The following NIPSNAP1 variants were observed in gnomAD, a reference collection of about 807,000 sequenced individuals.
The protein encoded by NIPSNAP1 is nipsnap homolog 1.
NIPSNAP1 carries 25 observed loss-of-function variants against 49.2 expected under a neutral mutation model. The observed-to-expected ratio is 0.51, with a 90% CI of 0.37 to 0.71. The LOEUF (loss-of-function observed/expected upper bound fraction) is 0.71. Ranked by LOEUF, NIPSNAP1 falls within the 30% of genes least tolerant of loss-of-function variation. The probability of loss-of-function intolerance (pLI) is 0.00; values close to 1 mark genes in which losing one functional copy is unlikely to be tolerated. For missense variants in NIPSNAP1, 294 were observed against 361.0 expected (o/e 0.81, Z 1.50); for synonymous variants, 143 against 140.7 (o/e 1.02, Z -0.12).
In NIPSNAP1 at chr22:29,555,354, C is replaced by G. The variant is rs1382522492; in HGVS notation, c.*581G>C. 1 of 153,778 alleles carries G rather than the reference C, an allele frequency of 6.5e-6. No individual in the cohort carries two copies. The highest frequency in any genetic ancestry group is 1.9e-4 in the East Asian group (1 of 5,384). The allele number at this position is 153,778 out of a possible 1,614,324, so 9.5% of individuals were successfully genotyped here. ...TCTTTCCTGGCTCCCATCCCTTTCCCCAGCCCCTCTGGGCAGAATGTCTGA... is the reference window on the plus strand; with the variant it reads ...TCTTTCCTGGCTCCCATCCCTTTCCGCAGCCCCTCTGGGCAGAATGTCTGA... On this transcript the variant is annotated 3_prime_UTR_variant, in exon 10 of 10. Transcript: ENST00000216121.
intron 2 of NIPSNAP1, 39 bp from the exon 3 acceptor site, chr22:29,570,246 G>A: frequency 5.6e-6 from 9 of 1,610,652 alleles, no homozygotes; most frequent in African/African-American, 1.3e-5. Context: ...GAGGTAGGGT[G>A]TGTACACAGG....
intron 1 of NIPSNAP1, among the ~76,000 whole-genome samples, chr22:29,579,289 CTTTTTTTTTT>C (rs34084606): frequency 1.7e-5 from 1 of 57,374 alleles, no homozygotes; most frequent in African/African-American, 8.8e-5. Context: ...AATTTTTGTA[CTTTTTTTTTT>C]TTTTTTTTTT....
intron 1 of NIPSNAP1, among the ~76,000 whole-genome samples, chr22:29,579,005 A>G (rs1048363976): frequency 6.6e-6 from 1 of 151,300 alleles, no homozygotes; most frequent in Non-Finnish European, 1.5e-5. Context: ...AATTGCTTGA[A>G]ACATAGGCTA....
At chr22:29,568,214 G>A (rs1403683225) in intron 4 of NIPSNAP1, among the ~76,000 whole-genome samples, 2 of 148,608 alleles carry the variant, frequency 1.3e-5, no homozygotes, top group Non-Finnish European at 3.0e-5. Flanking sequence ...GCCGGGAGTG[G>A]TGGCTCACTC....
intron 4 of NIPSNAP1, among the ~76,000 whole-genome samples, chr22:29,564,645 C>T (rs1396983970): frequency 6.6e-6 from 1 of 151,842 alleles, no homozygotes; most frequent in Non-Finnish European, 1.5e-5. Context: ...AACTCCTGAC[C>T]TCAGGTGATG....
At chr22:29,572,726 G>A (rs983565670) in intron 1 of NIPSNAP1, among the ~76,000 whole-genome samples, 14 of 152,018 alleles carry the variant, frequency 9.2e-5, no homozygotes, top group Non-Finnish European at 1.5e-5. Flanking sequence ...TTGAGCCTGG[G>A]AGGTTGAGGC....
At position 29,560,214 on chromosome 22, in the gene NIPSNAP1, A is replaced by G. The variant is rs562055699; in HGVS notation, c.706+520T>C. On this transcript the variant is annotated intron_variant, in intron 8 of 9. Coordinates refer to ENST00000216121, the MANE Select transcript of NIPSNAP1 (RefSeq NM_003634.4). ...CTACCTAGACCAATGTAGATCCCCT[A>G]TGTTTTTCACCATCATCTCTCCCTG... Among the ~76,000 whole-genome samples, 9 of 146,388 alleles carry G rather than the reference A, an allele frequency of 6.1e-5. No individual in the cohort carries two copies. The South Asian group carries it at 1.1e-3, about 18-fold the overall frequency.
chr22:29,566,432 A>G (rs1286082790), intron 4 of NIPSNAP1, among the ~76,000 whole-genome samples: 1 of 151,932 alleles, frequency 6.6e-6, no homozygotes, highest in African/African-American at 2.4e-5. Flanking sequence ...AGTCCTCCCA[A>G]CTCAGCCTCC....
rs530303022 is a variant in NIPSNAP1, at chr22:29,571,868, C to G, written c.99-1336G>C. Among the ~76,000 whole-genome samples, 457 of 152,036 alleles carry G rather than the reference C, an allele frequency of 3.0e-3. 3 individuals are homozygous for G. The highest frequency in any genetic ancestry group is 4.5e-3 in the Non-Finnish European group (305 of 67,990). The stretch of plus-strand genomic sequence containing the variant: ...TCGGCTCACTGCAACCTCGGCCTCC[C>G]GGGTTCAAGCAATTTTCCTGCCTCA... On this transcript the variant is annotated intron_variant, in intron 1 of 9. Coordinates refer to ENST00000216121, the MANE Select transcript of NIPSNAP1 (RefSeq NM_003634.4).
At chr22:29,572,302 CAAAAAA>C (rs695769) in intron 1 of NIPSNAP1, among the ~76,000 whole-genome samples, 2 of 71,098 alleles carry the variant, frequency 2.8e-5, no homozygotes, top group Admixed American at 3.1e-4. Flanking sequence ...GAATCCATCT[CAAAAAA>C]AAAAAAAAAA....
intron 9 of NIPSNAP1, among the ~76,000 whole-genome samples, chr22:29,556,791 C>CA (rs2064297572): frequency 6.6e-6 from 1 of 152,110 alleles, no homozygotes; most frequent in Admixed American, 6.6e-5. Context: ...CTCTTGTTGC[C>CA]CAGGCTGGAG....
chr22:29,567,079 A>G (rs908189676), intron 4 of NIPSNAP1, among the ~76,000 whole-genome samples: 2 of 152,126 alleles, frequency 1.3e-5, no homozygotes, highest in Admixed American at 6.6e-5. Flanking sequence ...CCAAGATTGC[A>G]CCACTGTACC....
chr22:29,578,596 C>G (rs993649052), intron 1 of NIPSNAP1, among the ~76,000 whole-genome samples: 1 of 151,274 alleles, frequency 6.6e-6, no homozygotes, highest in Non-Finnish European at 1.5e-5. Flanking sequence ...TATGGGGCAG[C>G]CTGAGGGGCA....
chr22:29,562,637 G>A (rs1373835862), intron 4 of NIPSNAP1, among the ~76,000 whole-genome samples: 2 of 151,916 alleles, frequency 1.3e-5, no homozygotes, highest in Non-Finnish European at 2.9e-5. Flanking sequence ...GTGGCGGTGA[G>A]CCAAGATTGT....
rs2064389689 is a variant in NIPSNAP1 at position 29,569,298 on chromosome 22, G to A, written c.273-11C>T. 2.5e-6 allele frequency: 4 copies of A among 1,606,636 alleles called. No individual in the cohort carries two copies. Among genetic ancestry groups the A allele is most frequent in the Non-Finnish European group, 3.4e-6 (4 of 1,173,528 alleles). ...GGCAGCACAGCCTCCCTGTGGGGGA[G>A]GTGCAGAGAGGGGCAGGGTTCACAT... is the stretch of plus-strand genomic sequence containing the variant. On this transcript the variant is annotated splice_polypyrimidine_tract_variant and intron_variant, in intron 3 of 9. Transcript: ENST00000216121.
At chr22:29,570,947 C>T (rs1243408128) in intron 1 of NIPSNAP1, among the ~76,000 whole-genome samples, 2 of 152,114 alleles carry the variant, frequency 1.3e-5, no homozygotes. Flanking sequence ...GCCTCCCCTC[C>T]TGCCCCCTCA....
At chr22:29,560,704 CA>C in intron 8 of NIPSNAP1, 29 bp downstream of exon 8, 1 of 1,582,630 alleles carries the variant, frequency 6.3e-7, no homozygotes, top group Non-Finnish European at 8.7e-7. Flanking sequence ...AGAGAACTAA[CA>C]AAAGGCTCCT....
At chr22:29,571,773 T>C (rs922422353) in intron 1 of NIPSNAP1, among the ~76,000 whole-genome samples, 1 of 152,050 alleles carries the variant, frequency 6.6e-6, no homozygotes, top group African/African-American at 2.4e-5. Context: ...TTCTTTTCTT[T>C]TTTTCTTTTC....
At chr22:29,563,028 G>T (rs2064346445) in intron 4 of NIPSNAP1, among the ~76,000 whole-genome samples, 1 of 151,732 alleles carries the variant, frequency 6.6e-6, no homozygotes, top group Admixed American at 6.6e-5. Context: ...GAACCCAGGA[G>T]GCAGAGCTTG....
Sources: gnomAD v4.1 joint callset for allele counts (sites outside exome capture counted in the v4.1 genomes callset) on GRCh38, gnomAD v4.1.1 for gene constraint, MANE v1.5 for transcripts, NCBI Gene and HGNC (gene_info 2026-07-23, HGNC 2026-07-21) for gene names.